The following TXNDC8 variants were observed in gnomAD, a reference collection of about 807,000 sequenced individuals.
The protein encoded by TXNDC8 is thioredoxin domain-containing protein 8.
Under a neutral mutation model 12.9 loss-of-function variants are expected in TXNDC8, and 15 were observed. The ratio of observed to expected loss-of-function variants is 1.16; its 90% confidence interval spans 0.78 to 1.79. The LOEUF (loss-of-function observed/expected upper bound fraction) is 1.79, where lower values mean the gene tolerates loss of function less well. TXNDC8 is among the 40% of genes most tolerant of loss of function. The pLI, the probability that TXNDC8 is intolerant of heterozygous loss-of-function variation, is 0.00. For synonymous variants in TXNDC8, 40 were observed against 35.4 expected (o/e 1.13, Z -0.46); for missense variants, 128 against 113.2 (o/e 1.13, Z -0.59).
chr9:110,334,942 A>G (rs552264980), intron 1 of TXNDC8, among the ~76,000 whole-genome samples: 77 of 152,230 alleles, frequency 5.1e-4, no homozygotes, highest in Non-Finnish European at 1.0e-3. Context: ...ACATTTAAGG[A>G]TTTGACATGC....
intron 4 of TXNDC8, 113 bp downstream of exon 5, chr9:110,304,354 C>A (rs1587944579): frequency 8.3e-6 from 8 of 963,186 alleles, no homozygotes; most frequent in Non-Finnish European, 1.1e-5. Context: ...CATCCCCACA[C>A]CAAAGGCTTC....
intron 3 of TXNDC8, chr9:110,322,832 C>G: frequency 1.0e-6 from 1 of 985,376 alleles, no homozygotes. Context: ...CATTCATGCA[C>G]TCACTCATTC....
chr9:110,327,995 A>C (rs1839399258), intron 2 of TXNDC8, among the ~76,000 whole-genome samples: 1 of 152,230 alleles, frequency 6.6e-6, no homozygotes, highest in South Asian at 2.1e-4. Context: ...CACTTTAATG[A>C]AGCTTGAAGG....
chr9:110,326,647 C>T (rs1839328889), intron 2 of TXNDC8, among the ~76,000 whole-genome samples: 1 of 151,920 alleles, frequency 6.6e-6, no homozygotes, highest in Non-Finnish European at 1.5e-5. Context: ...TATAACTCTA[C>T]TTGAGACGTG....
chr9:110,317,824 G>C (rs1465514630), intron 3 of TXNDC8, among the ~76,000 whole-genome samples: 1 of 152,216 alleles, frequency 6.6e-6, no homozygotes, highest in Non-Finnish European at 1.5e-5. Flanking sequence ...AGGTCTGGTT[G>C]CTTTCTTCTT....
chr9:110,325,771 G>A (rs762079439), intron 3 of TXNDC8, among the ~76,000 whole-genome samples: 3 of 152,078 alleles, frequency 2.0e-5, no homozygotes, highest in Non-Finnish European at 4.4e-5. Context: ...TGCCCGCCTT[G>A]GCCTCCCAAA....
intron 3 of TXNDC8, among the ~76,000 whole-genome samples, chr9:110,325,625 A>C (rs928707580): frequency 6.8e-6 from 1 of 146,822 alleles, no homozygotes; most frequent in Non-Finnish European, 1.5e-5. Context: ...GGTTCATGCC[A>C]TTCTCCTGCC....
intron 3 of TXNDC8, among the ~76,000 whole-genome samples, chr9:110,325,469 C>A (rs997619375): frequency 6.6e-6 from 1 of 150,568 alleles, no homozygotes; most frequent in Non-Finnish European, 1.5e-5. Flanking sequence ...TTTGTGATAG[C>A]TTTTGGTTAG....
chr9:110,331,317 T>A (rs1447043304), intron 2 of TXNDC8, among the ~76,000 whole-genome samples: 2 of 152,206 alleles, frequency 1.3e-5, no homozygotes, highest in African/African-American at 4.8e-5. Context: ...GCTGCCTAAT[T>A]CTGCTTCTGA....
At chr9:110,305,014 G>A (rs1429305571) in intron 3 of TXNDC8, among the ~76,000 whole-genome samples, 5 of 151,822 alleles carry the variant, frequency 3.3e-5, no homozygotes, top group African/African-American at 1.2e-4. Flanking sequence ...CAGGCGTGGT[G>A]GTGTGCACCT....
At chr9:110,334,175 A>T in intron 2 of TXNDC8, 41 bp downstream of exon 2, 1 of 1,483,896 alleles carries the variant, frequency 6.7e-7, no homozygotes, top group Non-Finnish European at 9.2e-7. Flanking sequence ...GGAACTTTAA[A>T]TTTCTTCTGA....
At chr9:110,304,411 A>C in intron 4 of TXNDC8, 56 bp downstream of exon 5, 1 of 1,493,256 alleles carries the variant, frequency 6.7e-7, no homozygotes, top group Non-Finnish European at 9.3e-7. Context: ...CATTATATTT[A>C]TTCCTTCAAA....
intron 2 of TXNDC8, among the ~76,000 whole-genome samples, chr9:110,328,862 T>G (rs912800872): frequency 6.6e-6 from 1 of 152,154 alleles, no homozygotes; most frequent in Non-Finnish European, 1.5e-5. Context: ...GAAAACCATC[T>G]TTCACCTTGA....
At chr9:110,317,378 G>C (rs914447832) in intron 3 of TXNDC8, among the ~76,000 whole-genome samples, 2 of 152,146 alleles carry the variant, frequency 1.3e-5, no homozygotes, top group African/African-American at 4.8e-5. Context: ...CATGTTTAGA[G>C]GTGAGCTTAT....
intron 3 of TXNDC8, among the ~76,000 whole-genome samples, chr9:110,309,543 C>T (rs1838584349): frequency 6.6e-6 from 1 of 152,174 alleles, no homozygotes; most frequent in Non-Finnish European, 1.5e-5. Flanking sequence ...ACCATGTTGA[C>T]CAGGCTGGGC....
chr9:110,325,808 C>T (rs1049009012), intron 3 of TXNDC8, among the ~76,000 whole-genome samples: 3 of 152,138 alleles, frequency 2.0e-5, no homozygotes, highest in South Asian at 2.1e-4. Context: ...CGTGAGCCAC[C>T]GCGCCCGGCC....
At chr9:110,309,346 A>AT (rs1157329029) in intron 3 of TXNDC8, among the ~76,000 whole-genome samples, 1 of 151,952 alleles carries the variant, frequency 6.6e-6, no homozygotes. Context: ...TTATTTATTT[A>AT]TTTTTTTGAG....
At chr9:110,306,981 A>G (rs1838493201) in intron 3 of TXNDC8, among the ~76,000 whole-genome samples, 1 of 151,992 alleles carries the variant, frequency 6.6e-6, no homozygotes, top group African/African-American at 2.4e-5. Context: ...TCGCTCTGTC[A>G]CCCAGGCTGG....
downstream of TXNDC8, chr9:110,303,438 A>G: frequency 7.0e-7 from 1 of 1,432,198 alleles, no homozygotes; most frequent in African/African-American, 1.4e-5. Context: ...GGAACACTAC[A>G]GTATTTGCTG....
Sources: gnomAD v4.1 joint callset for allele counts (sites outside exome capture counted in the v4.1 genomes callset) on GRCh38, gnomAD v4.1.1 for gene constraint, MANE v1.5 for transcripts, NCBI Gene and HGNC (gene_info 2026-07-23, HGNC 2026-07-21) for gene names.